WDFY4: variants seen among roughly 807,000 people sequenced by gnomAD.
WDFY4 encodes WDFY family member 4.
In WDFY4, 169 loss-of-function variants were observed where a neutral mutation model predicts 351.9. That is an observed-to-expected ratio of 0.48 (90% CI 0.42 to 0.55). The LOEUF is 0.55. WDFY4 is among the 20% of genes least tolerant of loss of function. WDFY4 has a pLI of 0.00. For synonymous variants in WDFY4, 1,622 were observed against 1,574.6 expected, an observed-to-expected ratio of 1.03 and a Z score of -0.71; for missense variants, 3,803 against 3,935.6, an observed-to-expected ratio of 0.97 and a Z score of 0.90.
chr10:48,717,541 G>T (rs973791287), intron 2 of WDFY4, among the ~76,000 whole-genome samples: 1 of 152,138 alleles, frequency 6.6e-6, no homozygotes, highest in African/African-American at 2.4e-5. Flanking sequence ...CTCCAATGGG[G>T]TTCTCTCTCT....
chr10:48,981,410 C>T lies in WDFY4; in HGVS notation c.9420C>T (p.Asp3140=), dbSNP rs1160034133. 3.2e-6 allele frequency: 5 copies of T among 1,551,668 alleles called. No homozygotes were observed. Among genetic ancestry groups the T allele is most frequent in the East Asian group, 2.4e-5 (1 of 40,938 alleles). The part of the protein sequence containing the change: ...EKNLALSREL[D]VSIALTGKPS... ...ACCTGGCCTTGAGTCGAGAGCTGGA[C>T]GTTAGCATTGCTTTGACAGGGAAGC... is the stretch of plus-strand genomic sequence containing the variant. Residue 3140 remains aspartate, a synonymous_variant, in exon 61 of 62, where the codon GAC becomes GAT. Transcript: ENST00000325239.
At chr10:48,823,344 A>G (rs1460146589) in intron 35 of WDFY4, 1 of 1,269,798 alleles carries the variant, frequency 7.9e-7, no homozygotes, top group African/African-American at 1.5e-5. Flanking sequence ...GCTGGGATCT[A>G]CCTCCAGCAA....
chr10:48,735,306 T>G (rs1423108194), intron 10 of WDFY4, among the ~76,000 whole-genome samples: 1 of 152,264 alleles, frequency 6.6e-6, no homozygotes, highest in Admixed American at 6.5e-5. Context: ...CTGTCAGGTT[T>G]CTTTAATTTT....
intron 49 of WDFY4, 44 bp downstream of exon 49, chr10:48,943,493 G>A: frequency 6.5e-7 from 1 of 1,540,136 alleles, no homozygotes; most frequent in South Asian, 1.2e-5. Flanking sequence ...CAGGTGTTCG[G>A]ACGTTGATAA....
At chr10:48,802,873 T>C in intron 24 of WDFY4, 1 of 480,842 alleles carries the variant, frequency 2.1e-6, no homozygotes. Flanking sequence ...GAGTGGAGAC[T>C]GTCACTCAGC....
Position 48,966,552 on chromosome 10 carries a change from G to C in WDFY4, c.8463G>C (p.Arg2821Ser). ...TCTTTACCAAACCTCACCCAGCCAGGACTGCAGCAGGGAAGCCTCTGCCTG... is the reference window on the plus strand; with the variant it reads ...TCTTTACCAAACCTCACCCAGCCAGCACTGCAGCAGGGAAGCCTCTGCCTG... The part of the protein sequence containing the change: ...KQLFTKPHPA[R>S]TAAGKPLPGK... Residue 2821 changes from arginine (R) to serine (S), a missense_variant, in exon 55 of 62, where the codon AGG (arginine) becomes AGC (serine). Physicochemically the swap from Arg to Ser is moderately radical, Grantham distance 110. Coordinates refer to ENST00000325239, the MANE Select transcript of WDFY4 (RefSeq NM_001394531.1). 1 of 1,552,116 alleles carries C rather than the reference G, an allele frequency of 6.4e-7. No homozygotes were observed. The highest frequency in any genetic ancestry group is 1.2e-5 in the South Asian group (1 of 84,054).
intron 38 of WDFY4, among the ~76,000 whole-genome samples, chr10:48,831,915 A>T (rs1381705627): frequency 6.6e-6 from 1 of 152,200 alleles, no homozygotes; most frequent in African/African-American, 2.4e-5. Context: ...ATGAGCGTAG[A>T]ACCCTCATAT....
rs1034862880 is a variant in WDFY4, at chr10:48,776,831, C to T, written c.2945C>T (p.Ala982Val). 1.3e-5 allele frequency: 20 copies of T among 1,551,560 alleles called. No individual in the cohort carries two copies. The Admixed American group carries it at 3.1e-4, about 24-fold the overall frequency. ...GGGCTGCACCCTGGAGTCACACAGG[C>T]CCCGCAGCCCTTGGGGGAATCCCAG... Reference protein sequence around the residue: ...DAGLHPGVTQAPQPLGESQDS... With the variant: ...DAGLHPGVTQVPQPLGESQDS... Residue 982 changes from alanine to valine, a missense_variant, in exon 16 of 62, where the codon GCC becomes GTC. This residue lies in a region of WDFY4 where 3,054 missense variants were observed against 3,148.6 expected (regional missense o/e 0.97). Transcript: ENST00000325239.
At chr10:48,779,539 C>T (rs1488615058) in intron 18 of WDFY4, among the ~76,000 whole-genome samples, 1 of 152,164 alleles carries the variant, frequency 6.6e-6, no homozygotes, top group Non-Finnish European at 1.5e-5. Flanking sequence ...ATCCAACTCT[C>T]TGGGACTCGG....
chr10:48,849,243 C>T (rs1233499070), intron 39 of WDFY4, among the ~76,000 whole-genome samples: 1 of 152,146 alleles, frequency 6.6e-6, no homozygotes, highest in African/African-American at 2.4e-5. Context: ...GGGTTAAGTT[C>T]TAAAGTCTAT....
chr10:48,903,987 TGGAAGACATCCTGGAAGCCA>T (rs1374051186), intron 47 of WDFY4, among the ~76,000 whole-genome samples: 1 of 152,126 alleles, frequency 6.6e-6, no homozygotes, highest in Non-Finnish European at 1.5e-5. Flanking sequence ...ACTGTAGGTG[TGGAAGACATCCTGGAAGCCA>T]GGTAGAGTGA....
chr10:48,727,191 A>G (rs746165305), intron 6 of WDFY4, among the ~76,000 whole-genome samples: 1 of 152,156 alleles, frequency 6.6e-6, no homozygotes, highest in Admixed American at 6.5e-5. Context: ...CTCACTACCT[A>G]ATGGACCTGG....
Position 48,774,463 on chromosome 10 carries a change from C to T in WDFY4, c.2559C>T (p.Ser853=), listed in dbSNP as rs1472441398. ...RLYHEDHPQL[S]EEIQCSLASH... ...CTTGCTTTGGTCACTCTTAGCTTTCCGAGGAGATCCAGTGCTCCCTGGCCA... is the reference window on the plus strand; with the variant it reads ...CTTGCTTTGGTCACTCTTAGCTTTCTGAGGAGATCCAGTGCTCCCTGGCCA... The change falls in exon 14 of 62, where the codon TCC becomes TCT. Residue 853 remains serine, a synonymous_variant. Transcript: ENST00000325239. 35 of 1,551,708 alleles carry T rather than the reference C, an allele frequency of 2.3e-5. No homozygotes were observed. The highest frequency in any genetic ancestry group is 3.1e-5 in the Non-Finnish European group (35 of 1,146,996).
At chr10:48,823,105 T>C (rs746784939) in intron 35 of WDFY4, 10 of 1,294,184 alleles carry the variant, frequency 7.7e-6, no homozygotes, top group Non-Finnish European at 9.2e-6. Flanking sequence ...GGTGTATGTA[T>C]GTGCATGCAT....
At chr10:48,913,481 C>G (rs148385977) in intron 47 of WDFY4, 1 of 1,535,190 alleles carries the variant, frequency 6.5e-7, no homozygotes, top group Non-Finnish European at 8.8e-7. Flanking sequence ...TGGCCATGTT[C>G]TTGATTCTAT....
At chr10:48,836,141 A>G (rs895846357) in intron 39 of WDFY4, among the ~76,000 whole-genome samples, 3 of 152,266 alleles carry the variant, frequency 2.0e-5, no homozygotes, top group Non-Finnish European at 2.9e-5. Context: ...AAGAGCATCA[A>G]CTATTTGCCC....
intron 39 of WDFY4, among the ~76,000 whole-genome samples, chr10:48,842,702 C>G (rs1279609998): frequency 1.3e-5 from 2 of 152,154 alleles, no homozygotes; most frequent in East Asian, 3.8e-4. Flanking sequence ...GTTCTTAAAC[C>G]TTATCTTAAA....
intron 20 of WDFY4, among the ~76,000 whole-genome samples, chr10:48,787,962 T>TCTC (rs2066533608): frequency 7.7e-5 from 8 of 103,476 alleles, no homozygotes; most frequent in South Asian, 6.5e-4. Context: ...TTCTTCTTCT[T>TCTC]CTTCTTCTTC....
chr10:48,868,382 G>A (rs2069630773), intron 40 of WDFY4, among the ~76,000 whole-genome samples: 2 of 152,166 alleles, frequency 1.3e-5, no homozygotes, highest in South Asian at 2.1e-4. Context: ...GGGATCAGCA[G>A]GCATGTCTAG....
Sources: gnomAD v4.1 joint callset for allele counts (sites outside exome capture counted in the v4.1 genomes callset) on GRCh38, gnomAD v4.1.1 for gene constraint, gnomAD v4.1.1 regional missense constraint, MANE v1.5 for transcripts, NCBI Gene and HGNC (gene_info 2026-07-23, HGNC 2026-07-21) for gene names.